Variants in CHRNA5 observed in about 807,000 individuals in gnomAD.
CHRNA5 encodes the protein cholinergic receptor nicotinic alpha 5 subunit, also known as neuronal acetylcholine receptor subunit alpha-5.
Under a neutral mutation model 41.2 loss-of-function variants are expected in CHRNA5, and 28 were observed. The ratio of observed to expected loss-of-function variants is 0.68; its 90% CI spans 0.50 to 0.93. CHRNA5 has a LOEUF of 0.93. Among genes scored for constraint, CHRNA5 ranks in the 40% least tolerant of loss-of-function variants. CHRNA5 has a pLI of 0.00. For missense variants in CHRNA5, 481 were observed against 581.9 expected (o/e 0.83, Z 1.78); for synonymous variants, 188 against 205.8 (o/e 0.91, Z 0.74).
At chr15:78,587,829 A>G (rs1178786934) in intron 3 of CHRNA5, among the ~76,000 whole-genome samples, 1 of 152,140 alleles carries the variant, frequency 6.6e-6, no homozygotes, top group African/African-American at 2.4e-5. Context: ...AAAGGCATAT[A>G]TGCTTTTCTC....
chr15:78,591,503 T>C (rs1347510779), intron 5 of CHRNA5, among the ~76,000 whole-genome samples: 1 of 152,210 alleles, frequency 6.6e-6, no homozygotes, highest in Non-Finnish European at 1.5e-5. Context: ...AGTAATATTT[T>C]CATAATTGAA....
At chr15:78,578,529 ATAAT>A (rs1486769310) in intron 1 of CHRNA5, among the ~76,000 whole-genome samples, 1 of 152,192 alleles carries the variant, frequency 6.6e-6, no homozygotes, top group Non-Finnish European at 1.5e-5. Context: ...TAAAAAATAA[ATAAT>A]TTTTTAAAAT....
intron 2 of CHRNA5, among the ~76,000 whole-genome samples, chr15:78,582,491 A>AAAAAG (rs201746041): frequency 1.1e-5 from 1 of 88,550 alleles, no homozygotes; most frequent in Non-Finnish European, 3.4e-5. Context: ...TCTCAAAAAA[A>AAAAAG]AAAAGAAAAG....
intron 1 of CHRNA5, among the ~76,000 whole-genome samples, chr15:78,576,597 C>T (rs1006302927): frequency 6.6e-6 from 1 of 150,866 alleles, no homozygotes; most frequent in Admixed American, 6.7e-5. Context: ...GCCTGAGCTA[C>T]AAAAAGAGAC....
chr15:78,574,057 C>T (rs1346143388), intron 1 of CHRNA5, among the ~76,000 whole-genome samples: 1 of 148,068 alleles, frequency 6.8e-6, no homozygotes, highest in African/African-American at 2.5e-5. Flanking sequence ...TCGTGATCCG[C>T]CCACCTCGGC....
intron 1 of CHRNA5, among the ~76,000 whole-genome samples, chr15:78,578,432 G>T (rs2052878820): frequency 6.6e-6 from 1 of 151,690 alleles, no homozygotes; most frequent in Non-Finnish European, 1.5e-5. Flanking sequence ...ACTTGAACCT[G>T]GGAGGTGGAG....
chr15:78,566,094 C>T (rs1483297160), intron 1 of CHRNA5, among the ~76,000 whole-genome samples: 1 of 152,152 alleles, frequency 6.6e-6, no homozygotes, highest in Non-Finnish European at 1.5e-5. Context: ...TATACTTCCA[C>T]ACAACTTTTT....
chr15:78,586,667 CAACA>C lies in CHRNA5; in HGVS notation c.285_288del (p.Asn96SerfsTer3). 6.2e-7 allele frequency: 1 copy of C among 1,600,840 alleles called. No individual in the cohort carries two copies. Among genetic ancestry groups the C allele is most frequent in the Non-Finnish European group, 8.5e-7 (1 of 1,173,054 alleles). ...AAGGATGAGAAAAATCAGTTAATGACAACAAACGTCTGGTTGAAACAGGTATGTG... is the reference window on the plus strand; with the variant it reads ...AAGGATGAGAAAAATCAGTTAATGACAACGTCTGGTTGAAACAGGTATGTG... On this transcript the variant is annotated frameshift_variant, in exon 3 of 6. Coordinates refer to ENST00000299565, the Ensembl canonical transcript of CHRNA5. LOFTEE classifies it high-confidence loss of function.
chr15:78,579,216 A>G (rs540159302), intron 1 of CHRNA5, among the ~76,000 whole-genome samples: 1 of 142,242 alleles, frequency 7.0e-6, no homozygotes, highest in East Asian at 2.1e-4. Flanking sequence ...TCTCACATAT[A>G]CATACATTTA....
chr15:78,585,787 C>A (rs139652841), intron 2 of CHRNA5, among the ~76,000 whole-genome samples: 2 of 62,546 alleles, frequency 3.2e-5, no homozygotes, highest in Non-Finnish European at 3.0e-5. Flanking sequence ...CTTTTCTTTT[C>A]TTTCTTTTTT....
intron 1 of CHRNA5, among the ~76,000 whole-genome samples, chr15:78,567,144 T>G (rs1246811702): frequency 6.6e-6 from 1 of 151,412 alleles, no homozygotes; most frequent in Non-Finnish European, 1.5e-5. Context: ...TCCCAGCTAC[T>G]CGGGAGGCTG....
At position 78,569,843 on chromosome 15, in the gene CHRNA5, C is replaced by T. The variant is rs564150208; in HGVS notation, c.106+4018C>T. Among the ~76,000 whole-genome samples, 8 of 151,714 alleles carry T rather than the reference C, an allele frequency of 5.3e-5. No homozygotes were observed. The South Asian group carries it at 1.0e-3, about 20-fold the overall frequency. On this transcript the variant is annotated intron_variant, in intron 1 of 5. Coordinates refer to ENST00000299565, the Ensembl canonical transcript of CHRNA5. ...TTTGTTTTTGTTTTTTTTCTTGAGACAGAGTCTCACTCTGTCGCCCAGGCT... is the reference window on the plus strand; with the variant it reads ...TTTGTTTTTGTTTTTTTTCTTGAGATAGAGTCTCACTCTGTCGCCCAGGCT...
At chr15:78,586,517 A>C in intron 2 of CHRNA5, 128 bp from the exon 3 acceptor site, 1 of 589,258 alleles carries the variant, frequency 1.7e-6, no homozygotes, top group South Asian at 2.7e-5. Context: ...CTAGAGAACC[A>C]GATTGATGAA....
rs202210732 is a variant in CHRNA5 at position 78,565,533 on chromosome 15, G to A, written c.-187G>A. The A allele has an allele frequency of 4.3e-5, 9 of 208,032 alleles. No homozygotes were observed. In the East Asian group the frequency reaches 9.8e-4, roughly 23 times the overall value. The allele number at this position is 208,032 out of a possible 1,614,324, so 12.9% of individuals were successfully genotyped here. The stretch of plus-strand genomic sequence containing the variant: ...CCGGGAGCTTCCACATGCGTCCCGA[G>A]CCCGCCAGAAGCTGCTAGGCTGAGG... On this transcript the variant is annotated 5_prime_UTR_variant, in exon 1 of 6. Coordinates refer to ENST00000299565, the Ensembl canonical transcript of CHRNA5.
At chr15:78,570,450 A>G (rs151214872) in intron 1 of CHRNA5, among the ~76,000 whole-genome samples, 2 of 60,642 alleles carry the variant, frequency 3.3e-5, no homozygotes, top group Non-Finnish European at 5.2e-5. Context: ...TTTTTTTTTT[A>G]GTAAAGACAG....
In CHRNA5 at chr15:78,565,524, G is replaced by T; in HGVS notation, c.-196G>T. The T allele has an allele frequency of 4.9e-6, 1 of 204,708 alleles. No individual in the cohort carries two copies. The highest frequency in any genetic ancestry group is 9.6e-6 in the Non-Finnish European group (1 of 103,638). The allele number at this position is 204,708 out of a possible 1,614,324, so 12.7% of individuals were successfully genotyped here. A position where few individuals can be genotyped will look rare whatever the true frequency, so the allele number is the denominator to read the frequency against. On this transcript the variant is annotated 5_prime_UTR_variant, in exon 1 of 6. An upstream start codon of the reference 5' UTR is lost. Coordinates refer to ENST00000299565, the Ensembl canonical transcript of CHRNA5. ...GGCTAGGCGCCGGGAGCTTCCACAT[G>T]CGTCCCGAGCCCGCCAGAAGCTGCT...
exon 6 of CHRNA5, chr15:78,594,387 A>C (rs940345957): frequency 6.6e-6 from 1 of 152,078 alleles, no homozygotes; most frequent in East Asian, 1.9e-4. Flanking sequence ...TTTAAAAAAC[A>C]TATTTAGGGC....
chr15:78,588,683 CTT>C lies in CHRNA5; in HGVS notation c.413+262_413+263del, dbSNP rs1420596732. ...AAGGGGACTGATACCTCCATTTACT[CTT>C]TGTTTTACTAGACTACATATTTGGC... On this transcript the variant is annotated intron_variant, in intron 4 of 5. Transcript: ENST00000299565. The surrounding 1 kb of genome is among the most constrained non-coding windows in gnomAD (Gnocchi z 4.1). Among the ~76,000 whole-genome samples the C allele has an allele frequency of 6.6e-6, 1 of 152,122 alleles. No homozygotes were observed. Among genetic ancestry groups the C allele is most frequent in the Non-Finnish European group, 1.5e-5 (1 of 68,014 alleles).
At chr15:78,582,484 C>CAAA (rs1226351992) in intron 2 of CHRNA5, among the ~76,000 whole-genome samples, 1 of 103,002 alleles carries the variant, frequency 9.7e-6, no homozygotes, top group Non-Finnish European at 2.0e-5. Context: ...GACTCTGTCT[C>CAAA]AAAAAAAAAA....
Sources: gnomAD v4.1 joint callset for allele counts (sites outside exome capture counted in the v4.1 genomes callset) on GRCh38, gnomAD v4.1.1 for gene constraint, Gnocchi (gnomAD v3.1) non-coding constraint, MANE v1.5 for transcripts, NCBI Gene and HGNC (gene_info 2026-07-23, HGNC 2026-07-21) for gene names.